Variants in METTL17 observed in about 807,000 individuals in gnomAD.
The protein encoded by METTL17 is methyltransferase like 17, also known as ribosome assembly protein METTL17, mitochondrial.
METTL17 carries 49 observed loss-of-function variants against 59.4 expected under a neutral mutation model. The ratio of observed to expected loss-of-function variants is 0.82; its 90% CI spans 0.66 to 1.05. METTL17 has a LOEUF of 1.05. Ranked by LOEUF, METTL17 falls within the 50% of genes least tolerant of loss-of-function variation. The probability of loss-of-function intolerance (pLI) is 0.00; values close to 1 mark genes in which losing one functional copy is unlikely to be tolerated. For synonymous variants in METTL17, 208 were observed against 209.2 expected, an observed-to-expected ratio of 0.99 and a Z score of 0.05; for missense variants, 555 against 578.4, an observed-to-expected ratio of 0.96 and a Z score of 0.41.
chr14:20,990,558 A>T lies in METTL17; in HGVS notation c.324A>T (p.Arg108Ser). Reference sequence around the variant, plus strand: ...CTGTAGAGCCAGAGGAGTTGCAAAGACGGGCTAGGCATCTTGAGAAAAAAT... The same window carrying T: ...CTGTAGAGCCAGAGGAGTTGCAAAGTCGGGCTAGGCATCTTGAGAAAAAAT... The part of the protein sequence containing the change: ...HLPVEPEELQ[R>S]RARHLEKKFL... The change falls in exon 3 of 14, where the codon AGA (arginine) becomes AGT (serine). Residue 108 changes from arginine to serine, a missense_variant. By Grantham distance (110) the Arg-to-Ser change is moderately radical. Transcript: ENST00000339374. The T allele has an allele frequency of 6.2e-7, 1 of 1,614,230 alleles. No individual in the cohort carries two copies. Among genetic ancestry groups the T allele is most frequent in the African/African-American group, 1.3e-5 (1 of 75,066 alleles).
At chr14:20,991,908 T>C (rs1292828906) in intron 3 of METTL17, 1 of 470,046 alleles carries the variant, frequency 2.1e-6, no homozygotes, top group African/African-American at 2.1e-5. Context: ...GAATAAACCA[T>C]TCTTATAAAT....
chr14:20,992,523 C>G lies in METTL17; in HGVS notation c.447-18C>G. The G allele has an allele frequency of 6.3e-7, 1 of 1,596,672 alleles. No individual in the cohort carries two copies. Among genetic ancestry groups the G allele is most frequent in the Non-Finnish European group, 8.6e-7 (1 of 1,164,308 alleles). On this transcript the variant is annotated intron_variant, in intron 4 of 13. Coordinates refer to ENST00000339374, the MANE Select transcript of METTL17 (RefSeq NM_022734.3). ...AGGTTATTTACTAGTATGTACAACT[C>G]TGTGATTTTAATGGCAGCTACACTG...
chr14:20,992,174 C>T lies in METTL17; in HGVS notation c.415C>T (p.Arg139Cys), dbSNP rs1391008140. The change falls in exon 4 of 14, where the codon CGT (arginine) becomes TGT (cysteine). Residue 139 changes from arginine (R) to cysteine (C), a missense_variant. Arg to Cys is a radical substitution (Grantham distance 180, BLOSUM62 -3). Coordinates refer to ENST00000339374, the MANE Select transcript of METTL17 (RefSeq NM_022734.3). ...TCGTGGAGCAGTGCTACACGCACTA[C>T]GTAAAACTACCTACCATTGGCAAGA... ...KLRGAVLHAL[R>C]KTTYHWQELS... 10 of 1,610,248 alleles carry T rather than the reference C, an allele frequency of 6.2e-6. No individual in the cohort carries two copies. The highest frequency in any genetic ancestry group is 1.3e-5 in the African/African-American group (1 of 74,734).
chr14:20,994,770 C>T, intron 8 of METTL17, 24 bp from the exon 9 acceptor site: 1 of 1,589,302 alleles, frequency 6.3e-7, no homozygotes, highest in South Asian at 1.1e-5. Flanking sequence ...TTGAGTCTGT[C>T]ATGTTCCTTG....
intron 3 of METTL17, chr14:20,990,810 TTTTG>T (rs10647581): frequency 6.2e-5 from 28 of 452,838 alleles, no homozygotes; most frequent in South Asian, 1.3e-4. Flanking sequence ...GTATACTGTT[TTTTG>T]TTTGTTTGTT....
intron 9 of METTL17, 124 bp downstream of exon 9, chr14:20,995,025 T>G: frequency 1.8e-6 from 2 of 1,137,176 alleles, no homozygotes; most frequent in Non-Finnish European, 2.6e-6. Context: ...TATCCCTCTT[T>G]GAGGGTCTCC....
chr14:20,990,164 C>A (rs1218060564), intron 1 of METTL17, 66 bp from the exon 2 acceptor site: 1 of 747,370 alleles, frequency 1.3e-6, no homozygotes, highest in Non-Finnish European at 1.8e-6. Flanking sequence ...TGGCAGCCCC[C>A]GCCCTAGCGA....
intron 10 of METTL17, among the ~76,000 whole-genome samples, chr14:20,995,451 CTG>C (rs1277291628): frequency 6.6e-6 from 1 of 152,232 alleles, no homozygotes; most frequent in Non-Finnish European, 1.5e-5. Context: ...ATTTGTGCCT[CTG>C]TTGTCTGTGA....
intron 6 of METTL17, chr14:20,993,524 G>A (rs2138736961): frequency 3.6e-6 from 1 of 279,778 alleles, no homozygotes. Flanking sequence ...CGCCCAGGCT[G>A]GAGTGCAGTG....
intron 3 of METTL17, 73 bp downstream of exon 3, chr14:20,990,671 C>A: frequency 1.3e-6 from 2 of 1,559,802 alleles, no homozygotes; most frequent in South Asian, 2.4e-5. Context: ...AGAAATAATT[C>A]TACAATCTCT....
In METTL17 at chr14:20,996,677, C is replaced by A; in HGVS notation, c.1231C>A (p.Gln411Lys). Residue 411 changes from glutamine to lysine, a missense_variant, in exon 13 of 14, where the codon CAG becomes AAG. Coordinates refer to ENST00000339374, the MANE Select transcript of METTL17 (RefSeq NM_022734.3). ...CHLCCPDGHMQHAVLTARRHG... is the reference protein window; with the variant it reads ...CHLCCPDGHMKHAVLTARRHG... ...CTTGTGCTGTCCAGATGGGCACATG[C>A]AGCATGCTGTGCTCACAGCCCGCCG... The A allele has an allele frequency of 1.9e-6, 3 of 1,614,208 alleles. No individual in the cohort carries two copies. The highest frequency in any genetic ancestry group is 2.5e-6 in the Non-Finnish European group (3 of 1,180,026).
At chr14:20,991,308 C>T (rs1345255288) in intron 3 of METTL17, among the ~76,000 whole-genome samples, 1 of 152,096 alleles carries the variant, frequency 6.6e-6, no homozygotes, top group African/African-American at 2.4e-5. Flanking sequence ...ATTGTGAGCT[C>T]CTTGACACTA....
At position 20,994,283 on chromosome 14, in the gene METTL17, C is replaced by CT. The variant is rs370656915; in HGVS notation, c.697+236dup. 2.2e-3 allele frequency among the ~76,000 whole-genome samples: 309 copies of CT among 138,804 alleles called. 1 individual carries two copies. Among genetic ancestry groups the CT allele is most frequent in the East Asian group, 0.014 (67 of 4,810 alleles). The allele number at this position is 138,804 out of a possible 152,430, so 91.1% of individuals were successfully genotyped here. A position where few individuals can be genotyped will look rare whatever the true frequency, so the allele number is the denominator to read the frequency against. On this transcript the variant is annotated intron_variant, in intron 7 of 13. Transcript: ENST00000339374. ...CAGGAGGCCTAATATTCTCCCTGCC[C>CT]TTTTTTTTTTTTTTTTAATTAGAGG...
rs1359747560 is a variant in METTL17 at position 20,990,034 on chromosome 14, T to G, written c.32T>G (p.Leu11Ter). The change falls in exon 1 of 14, where the codon TTA becomes TGA. Residue 11 changes from leucine to a stop codon, truncating the protein, a stop_gained. Coordinates refer to ENST00000339374, the MANE Select transcript of METTL17 (RefSeq NM_022734.3). LOFTEE classifies it high-confidence loss of function. MAAALKCLLT[L>*]GRWCPGLGVA... ...GCGGCACTGAAGTGTCTACTGACAT[T>G]AGGAAGATGGTGCCCCGGCCTTGGA... The G allele has an allele frequency of 2.5e-5, 41 of 1,612,788 alleles. No individual in the cohort carries two copies. Among genetic ancestry groups the G allele is most frequent in the Middle Eastern group, 1.6e-4 (1 of 6,066 alleles).
chr14:20,994,116 C>A, intron 7 of METTL17, 53 bp downstream of exon 7: 2 of 1,306,444 alleles, frequency 1.5e-6, no homozygotes, highest in Non-Finnish European at 2.2e-6. Context: ...CAAAGGGGTA[C>A]TAGTAAAAGT....
At chr14:20,990,409 G>A in intron 2 of METTL17, 26 bp downstream of exon 2, 1 of 1,613,608 alleles carries the variant, frequency 6.2e-7, no homozygotes, top group Non-Finnish European at 8.5e-7. Context: ...AAAGCGAGAA[G>A]AAACGGGACT....
chr14:20,990,698 T>C, intron 3 of METTL17, 100 bp downstream of exon 3: 1 of 1,431,174 alleles, frequency 7.0e-7, no homozygotes, highest in Non-Finnish European at 9.4e-7. Flanking sequence ...CTGAAGTCTC[T>C]TATTTGACTT....
rs1389965180 is a variant in METTL17, at chr14:20,992,220, A to G, written c.446+15A>G. 1.3e-6 allele frequency: 2 copies of G among 1,515,952 alleles called. No individual in the cohort carries two copies. Among genetic ancestry groups the G allele is most frequent in the Admixed American group, 3.7e-5 (2 of 53,640 alleles). 93.9% of individuals were successfully genotyped at this position (1,515,952 alleles called of 1,614,324 possible). ...CAAGAACTGAGGTAAGGGGGCCCAG[A>G]AGAGGTGCACAAGAAAGCAAAGGTA... On this transcript the variant is annotated intron_variant, in intron 4 of 13. Coordinates refer to ENST00000339374, the MANE Select transcript of METTL17 (RefSeq NM_022734.3).
chr14:20,994,630 A>G lies in METTL17; in HGVS notation c.768+17A>G, dbSNP rs1433264375. On this transcript the variant is annotated intron_variant, in intron 8 of 13. Coordinates refer to ENST00000339374, the MANE Select transcript of METTL17 (RefSeq NM_022734.3). Reference sequence around the variant, plus strand: ...TCACCCAAGGCAAGTGGCAGTGTTTAGAATATTCTAAATGTGGAATGTGGC... The same window carrying G: ...TCACCCAAGGCAAGTGGCAGTGTTTGGAATATTCTAAATGTGGAATGTGGC... 6.2e-7 allele frequency: 1 copy of G among 1,611,110 alleles called. No homozygotes were observed. The highest frequency in any genetic ancestry group is 1.3e-5 in the African/African-American group (1 of 74,844).
Sources: allele counts gnomAD v4.1 joint callset (sites outside exome capture counted in the v4.1 genomes callset), GRCh38; gene constraint gnomAD v4.1.1; transcripts MANE v1.5; gene names NCBI Gene and HGNC (gene_info 2026-07-23, HGNC 2026-07-21).